The following SEMA5B variants were observed in gnomAD, a reference collection of about 807,000 sequenced individuals.
SEMA5B encodes semaphorin 5B.
In SEMA5B, 66 loss-of-function variants were observed where a neutral mutation model predicts 135.0. That is an observed-to-expected ratio of 0.49 (90% confidence interval 0.40 to 0.60). The LOEUF (loss-of-function observed/expected upper bound fraction) is 0.60, where lower values mean the gene tolerates loss of function less well. Ranked by LOEUF, SEMA5B falls within the 20% of genes least tolerant of loss-of-function variation. The pLI is 0.00. For missense variants in SEMA5B, 1,501 were observed against 1,566.3 expected (o/e 0.96, Z 0.70); for synonymous variants, 690 against 639.5 (o/e 1.08, Z -1.19).
intron 1 of SEMA5B, among the ~76,000 whole-genome samples, chr3:122,973,565 C>T (rs935227601): frequency 1.3e-5 from 2 of 152,172 alleles, no homozygotes; most frequent in Admixed American, 6.5e-5. Flanking sequence ...CTGTGAAGGT[C>T]GTGAAATGGA....
intron 6 of SEMA5B, 152 bp downstream of exon 6, chr3:122,928,844 G>T: frequency 1.3e-6 from 1 of 786,332 alleles, no homozygotes; most frequent in African/African-American, 1.7e-5. Flanking sequence ...TCGCCACAGG[G>T]CTGTTATCCT....
chr3:123,001,152 G>C (rs1942164975), intron 1 of SEMA5B, among the ~76,000 whole-genome samples: 1 of 152,294 alleles, frequency 6.6e-6, no homozygotes, highest in Non-Finnish European at 1.5e-5. Flanking sequence ...TGTGGGAAGA[G>C]ACCATAAACT....
intron 2 of SEMA5B, among the ~76,000 whole-genome samples, chr3:122,956,267 G>C (rs568346876): frequency 3.9e-5 from 6 of 152,356 alleles, no homozygotes; most frequent in African/African-American, 1.2e-4. Flanking sequence ...AGTTCCCTGT[G>C]GGTTCTGGGT....
chr3:122,960,038 C>T (rs574990367), intron 2 of SEMA5B, among the ~76,000 whole-genome samples: 18 of 152,260 alleles, frequency 1.2e-4, no homozygotes, highest in Admixed American at 2.6e-4. Context: ...AGGCTCTCTC[C>T]GTGGAAACAT....
At chr3:122,911,805 C>T (rs1230898255) in intron 20 of SEMA5B, 115 bp downstream of exon 20, 3 of 1,321,168 alleles carry the variant, frequency 2.3e-6, no homozygotes, top group Non-Finnish European at 3.0e-6. Flanking sequence ...CCCCCACTTC[C>T]ATGTTTCATC....
chr3:122,912,423 C>T, intron 18 of SEMA5B, 81 bp from the exon 19 acceptor site: 2 of 1,321,998 alleles, frequency 1.5e-6, no homozygotes, highest in Non-Finnish European at 2.0e-6. Context: ...CAGCCCAGAC[C>T]ACTCTGCCCT....
intron 1 of SEMA5B, among the ~76,000 whole-genome samples, chr3:123,005,454 TG>T (rs760941959): frequency 1.3e-5 from 2 of 152,194 alleles, no homozygotes; most frequent in Non-Finnish European, 2.9e-5. Flanking sequence ...CTCAAACTCC[TG>T]GGCTCAAGTG....
intron 1 of SEMA5B, among the ~76,000 whole-genome samples, chr3:123,003,134 C>T (rs1942223221): frequency 6.6e-6 from 1 of 152,054 alleles, no homozygotes; most frequent in Non-Finnish European, 1.5e-5. Flanking sequence ...GTGCACGGCA[C>T]TGCAACAAGT....
At chr3:122,963,295 G>C (rs372915035) in intron 1 of SEMA5B, among the ~76,000 whole-genome samples, 1 of 152,072 alleles carries the variant, frequency 6.6e-6, no homozygotes, top group Non-Finnish European at 1.5e-5. Flanking sequence ...TCAGGAGTTC[G>C]AGACCAGCCT....
chr3:122,996,200 T>G (rs1942017857), intron 1 of SEMA5B, among the ~76,000 whole-genome samples: 1 of 152,190 alleles, frequency 6.6e-6, no homozygotes, highest in African/African-American at 2.4e-5. Flanking sequence ...CAGCATCTAC[T>G]GGGGTTGCAG....
chr3:122,997,860 G>A (rs1275060923), intron 1 of SEMA5B, among the ~76,000 whole-genome samples: 1 of 152,094 alleles, frequency 6.6e-6, no homozygotes, highest in African/African-American at 2.4e-5. Context: ...ACCCAGAGTG[G>A]GCCTCTCTCC....
intron 1 of SEMA5B, among the ~76,000 whole-genome samples, chr3:123,008,784 G>A (rs183665064): frequency 1.0e-3 from 156 of 152,194 alleles, no homozygotes; most frequent in African/African-American, 3.6e-3. Flanking sequence ...GGGGGAGAGA[G>A]GCATGGCTAT....
At position 122,922,453 on chromosome 3, in the gene SEMA5B, G is replaced by A. The variant is rs1490162570; in HGVS notation, c.1273-6C>T. 4 of 1,586,986 alleles carry A rather than the reference G, an allele frequency of 2.5e-6. No homozygotes were observed. The East Asian group carries it at 6.9e-5, about 27-fold the overall frequency. ...GTCTCAGGCAGGGTGCCACACTGCC[G>A]CGGGGAGCCAGGTCACGCGCGCCCC... is the stretch of plus-strand genomic sequence containing the variant. On this transcript the variant is annotated splice_polypyrimidine_tract_variant and splice_region_variant and intron_variant, in intron 10 of 22. Coordinates refer to ENST00000357599, the MANE Select transcript of SEMA5B (RefSeq NM_001031702.4).
At chr3:122,937,342 A>T (rs554436223) in intron 5 of SEMA5B, among the ~76,000 whole-genome samples, 2 of 152,350 alleles carry the variant, frequency 1.3e-5, no homozygotes, top group East Asian at 3.9e-4. Context: ...TCACCAGGCC[A>T]GACAACAGAC....
rs1576341685 is a variant in SEMA5B at position 122,928,511 on chromosome 3, G to A, written c.636+6C>T. 4.5e-6 allele frequency: 7 copies of A among 1,552,180 alleles called. No individual in the cohort carries two copies. Among genetic ancestry groups the A allele is most frequent in the Non-Finnish European group, 5.2e-6 (6 of 1,147,226 alleles). On this transcript the variant is annotated splice_donor_region_variant and intron_variant, in intron 7 of 22. Transcript: ENST00000357599. ...CCTTCAGTCTCCTCCACCCTGAGGT[G>A]CCCACCTGTCTGCTGGTGCACATGG...
intron 2 of SEMA5B, among the ~76,000 whole-genome samples, chr3:122,952,926 C>T (rs1241224763): frequency 2.0e-5 from 3 of 152,100 alleles, no homozygotes; most frequent in East Asian, 1.9e-4. Flanking sequence ...GGGGTGGTGC[C>T]GCCTCCTTGC....
chr3:122,965,499 G>A (rs573892403), intron 1 of SEMA5B, among the ~76,000 whole-genome samples: 3 of 152,326 alleles, frequency 2.0e-5, no homozygotes, highest in Admixed American at 6.5e-5. Context: ...TGAATGTGAT[G>A]TCTTGAGCTA....
intron 4 of SEMA5B, 29 bp from the exon 5 acceptor site, chr3:122,939,499 T>C (rs1446965245): frequency 6.3e-7 from 1 of 1,598,932 alleles, no homozygotes; most frequent in East Asian, 2.2e-5. Context: ...ACATCCTAAG[T>C]GACGCTGGTT....
intron 10 of SEMA5B, among the ~76,000 whole-genome samples, 194 bp downstream of exon 10, chr3:122,923,423 C>T (rs1442179023): frequency 6.6e-6 from 1 of 152,182 alleles, no homozygotes; most frequent in Non-Finnish European, 1.5e-5. Flanking sequence ...CTCGCACTGC[C>T]CCTCACCCAC....
Sources: allele counts gnomAD v4.1 joint callset (sites outside exome capture counted in the v4.1 genomes callset), GRCh38; gene constraint gnomAD v4.1.1; transcripts MANE v1.5; gene names NCBI Gene and HGNC (gene_info 2026-07-23, HGNC 2026-07-21).